The following FRMPD4 variants were observed in gnomAD, a reference collection of about 807,000 sequenced individuals.
FRMPD4 encodes the protein FERM and PDZ domain containing 4, also known as FERM and PDZ domain-containing protein 4.
FRMPD4 carries 22 observed loss-of-function variants against 94.1 expected under a neutral mutation model. The observed-to-expected ratio is 0.23, with a 90% CI of 0.17 to 0.33. The LOEUF (loss-of-function observed/expected upper bound fraction) is 0.33. FRMPD4 is among the 10% of genes least tolerant of loss of function. FRMPD4 has a pLI of 1.00. For synonymous variants in FRMPD4, 631 were observed against 548.6 expected (o/e 1.15, Z -2.10); for missense variants, 1,111 against 1,339.9 (o/e 0.83, Z 2.67).
intron 3 of FRMPD4, among the ~76,000 whole-genome samples, chrX:11,997,579 G>A (rs1237855484): frequency 1.8e-5 from 2 of 110,813 alleles, no homozygotes; most frequent in Non-Finnish European, 3.8e-5. Context: ...TGGAATCTGT[G>A]CACCAGGCTT....
At chrX:12,312,854 A>G (rs2055057092) in intron 1 of FRMPD4, among the ~76,000 whole-genome samples, 1 of 111,129 alleles carries the variant, frequency 9.0e-6, no homozygotes, top group African/African-American at 3.3e-5. Context: ...CCCTCACTAC[A>G]GAGTAGAATA....
intron 3 of FRMPD4, among the ~76,000 whole-genome samples, chrX:12,072,910 T>C (rs2147473650): frequency 9.2e-6 from 1 of 108,224 alleles, no homozygotes; most frequent in Non-Finnish European, 1.9e-5. Flanking sequence ...ATTACCTACC[T>C]TCTATTATTT....
chrX:12,548,351 C>T (rs928800716), intron 2 of FRMPD4, among the ~76,000 whole-genome samples: 93 of 112,265 alleles, frequency 8.3e-4, no homozygotes, highest in African/African-American at 2.8e-3. Flanking sequence ...TGTACAAATC[C>T]AGCCCTCTAC....
intron 2 of FRMPD4, among the ~76,000 whole-genome samples, chrX:12,543,924 A>T (rs199956800): frequency 9.1e-6 from 1 of 110,401 alleles, no homozygotes. Flanking sequence ...AGATGAGTTC[A>T]TGTCCTTTGT....
intron 1 of FRMPD4, among the ~76,000 whole-genome samples, chrX:12,317,585 C>CAAAAAAAAAAAAAAAAAAAAAAAAAAAAA (rs376884335): frequency 7.1e-5 from 3 of 42,447 alleles, no homozygotes; most frequent in African/African-American, 2.5e-4. Flanking sequence ...AACTAAATAG[C>CAAAAAAAAAAAAAAAAAAAAAAAAAAAAA]AAAAAAAAAA....
intron 1 of FRMPD4, among the ~76,000 whole-genome samples, chrX:12,440,179 T>G (rs777674044): frequency 1.4e-4 from 16 of 112,323 alleles, no homozygotes; most frequent in African/African-American, 4.8e-4. Flanking sequence ...CAGATAATGA[T>G]GTAGTATAAG....
chrX:12,370,010 A>T (rs1363454324), intron 1 of FRMPD4, among the ~76,000 whole-genome samples: 1 of 111,627 alleles, frequency 9.0e-6, no homozygotes, highest in East Asian at 2.8e-4. Flanking sequence ...TTTTTATTGG[A>T]CTGAACTTTT....
chrX:12,508,795 C>A (rs1166875151), intron 2 of FRMPD4, among the ~76,000 whole-genome samples: 1 of 109,485 alleles, frequency 9.1e-6, no homozygotes, highest in Admixed American at 9.8e-5. Flanking sequence ...GGTTTGAGAC[C>A]AGCCTGACCA....
intron 3 of FRMPD4, among the ~76,000 whole-genome samples, chrX:11,901,854 T>G (rs2053939805): frequency 8.9e-6 from 1 of 112,036 alleles, no homozygotes; most frequent in African/African-American, 3.2e-5. Context: ...TGATTAGTGA[T>G]AGTGAACATT....
chrX:12,634,463 A>G lies in FRMPD4; in HGVS notation c.422+19582A>G, dbSNP rs183425575. Among the ~76,000 whole-genome samples the G allele has an allele frequency of 5.1e-4, 57 of 112,275 alleles. 1 individual carries two copies. Among genetic ancestry groups the G allele is most frequent in the Admixed American group, 5.0e-3 (53 of 10,583 alleles). Reference sequence around the variant, plus strand: ...CTGTTTGCCATTGAATGCAATCAGCAGTATCAGCTCACTTTGAATTCCATA... The same window carrying G: ...CTGTTTGCCATTGAATGCAATCAGCGGTATCAGCTCACTTTGAATTCCATA... On this transcript the variant is annotated intron_variant, in intron 4 of 16. Transcript: ENST00000675598.
At chrX:12,708,336 GGC>G (rs1220496396) in intron 13 of FRMPD4, among the ~76,000 whole-genome samples, 4 of 109,894 alleles carry the variant, frequency 3.6e-5, no homozygotes, top group Non-Finnish European at 5.7e-5. Context: ...CGGGCGTGGT[GGC>G]GTGCACCTGT....
chrX:12,532,004 G>T (rs967187770), intron 2 of FRMPD4, among the ~76,000 whole-genome samples: 7 of 111,890 alleles, frequency 6.3e-5, no homozygotes, highest in African/African-American at 1.6e-4. Context: ...AGGTTCAGAG[G>T]TAAAGGATCA....
intron 1 of FRMPD4, among the ~76,000 whole-genome samples, chrX:12,470,023 G>T (rs2057492222): frequency 8.9e-6 from 1 of 111,954 alleles, no homozygotes; most frequent in African/African-American, 3.2e-5. Flanking sequence ...CAGTGATTAG[G>T]ATCAGATGAA....
chrX:12,359,699 A>G (rs1439071071), intron 1 of FRMPD4, among the ~76,000 whole-genome samples: 1 of 110,925 alleles, frequency 9.0e-6, no homozygotes, highest in Non-Finnish European at 1.9e-5. Context: ...TGAACTCCCG[A>G]CCTCATGATC....
intron 1 of FRMPD4, among the ~76,000 whole-genome samples, chrX:12,211,606 T>C (rs1245940058): frequency 8.9e-6 from 1 of 112,296 alleles, no homozygotes; most frequent in Non-Finnish European, 1.9e-5. Context: ...ATTTAATTAA[T>C]TCAAGTCAAA....
intron 1 of FRMPD4, among the ~76,000 whole-genome samples, chrX:11,847,775 C>T (rs1601801516): frequency 9.6e-6 from 1 of 104,645 alleles, no homozygotes; most frequent in Non-Finnish European, 1.9e-5. Flanking sequence ...AGTAAACTAT[C>T]GCAAGAACAA....
intron 2 of FRMPD4, among the ~76,000 whole-genome samples, chrX:12,569,193 T>C (rs1001584475): frequency 9.0e-6 from 1 of 111,566 alleles, no homozygotes; most frequent in African/African-American, 3.3e-5. Flanking sequence ...TTCTGTTCAT[T>C]ATAAGTTACC....
intron 1 of FRMPD4, among the ~76,000 whole-genome samples, chrX:12,309,234 C>T (rs773412606): frequency 6.3e-5 from 7 of 111,491 alleles, no homozygotes; most frequent in Non-Finnish European, 1.1e-4. Context: ...CTCCAGAGGC[C>T]CTTGCATGCT....
chrX:11,956,145 G>A (rs1374354222), intron 3 of FRMPD4, among the ~76,000 whole-genome samples: 3 of 111,889 alleles, frequency 2.7e-5, no homozygotes, highest in Admixed American at 1.9e-4. Context: ...AGTTTTGGAA[G>A]ATGAACTTTG....
Sources: gnomAD v4.1 joint callset for allele counts (sites outside exome capture counted in the v4.1 genomes callset) on GRCh38, gnomAD v4.1.1 for gene constraint, MANE v1.5 for transcripts, NCBI Gene and HGNC (gene_info 2026-07-23, HGNC 2026-07-21) for gene names.